RPH3A: variants seen among roughly 807,000 people sequenced by gnomAD.
The protein encoded by RPH3A is rabphilin-3A.
In RPH3A, 48 loss-of-function variants were observed where a neutral mutation model predicts 102.2. That is an observed-to-expected ratio of 0.47 (90% CI 0.37 to 0.60). The LOEUF is 0.60. Among genes scored for constraint, RPH3A ranks in the 20% least tolerant of loss-of-function variants. The pLI is 0.00. For missense variants in RPH3A, 781 were observed against 910.1 expected, an observed-to-expected ratio of 0.86 and a Z score of 1.83; for synonymous variants, 310 against 324.3, an observed-to-expected ratio of 0.96 and a Z score of 0.47.
chr12:112,862,100 A>G (rs1404685115), intron 5 of RPH3A, among the ~76,000 whole-genome samples: 1 of 151,822 alleles, frequency 6.6e-6, no homozygotes, highest in Non-Finnish European at 1.5e-5. Flanking sequence ...CAAGAGGATC[A>G]TTTGAGACCA....
intron 1 of RPH3A, among the ~76,000 whole-genome samples, chr12:112,674,978 A>G (rs1307359800): frequency 6.6e-6 from 1 of 152,180 alleles, no homozygotes; most frequent in Non-Finnish European, 1.5e-5. Context: ...GATTCTGACG[A>G]TAAGGTCCCT....
chr12:112,842,459 A>G (rs2042162143), intron 4 of RPH3A, among the ~76,000 whole-genome samples: 1 of 152,182 alleles, frequency 6.6e-6, no homozygotes, highest in African/African-American at 2.4e-5. Context: ...ACCTGTTCCT[A>G]AGGTTGCACA....
At chr12:112,724,190 G>A (rs2040571218) in intron 1 of RPH3A, among the ~76,000 whole-genome samples, 1 of 151,528 alleles carries the variant, frequency 6.6e-6, no homozygotes, top group African/African-American at 2.4e-5. Flanking sequence ...CTGAGGAGCT[G>A]GGACCACAGG....
chr12:112,647,645 C>G (rs73194704), intron 1 of RPH3A, among the ~76,000 whole-genome samples: 1 of 151,408 alleles, frequency 6.6e-6, no homozygotes, highest in Non-Finnish European at 1.5e-5. Context: ...GTTGGATGGT[C>G]AGGAATGGCC....
At chr12:112,753,725 G>A (rs959747318) in intron 1 of RPH3A, among the ~76,000 whole-genome samples, 3 of 152,176 alleles carry the variant, frequency 2.0e-5, no homozygotes, top group Non-Finnish European at 4.4e-5. Flanking sequence ...GCAAGGTCTG[G>A]GGGTTAGAAA....
intron 1 of RPH3A, among the ~76,000 whole-genome samples, chr12:112,645,335 G>A (rs975430240): frequency 1.3e-5 from 2 of 152,028 alleles, no homozygotes; most frequent in South Asian, 2.1e-4. Context: ...AATGTCTGCC[G>A]GTTTCTTTGG....
At chr12:112,766,799 A>G (rs2384033) in intron 1 of RPH3A, among the ~76,000 whole-genome samples, 134 of 152,238 alleles carry the variant, frequency 8.8e-4, no homozygotes, top group African/African-American at 3.1e-3. Context: ...GAGCTCTGAG[A>G]GCATTTGTTG....
rs76945022 is a variant in RPH3A, at chr12:112,882,360, G to T, written c.1326+514G>T. 4.1e-4 allele frequency among the ~76,000 whole-genome samples: 63 copies of T among 152,274 alleles called. No homozygotes were observed. In the East Asian group the frequency reaches 0.012, roughly 28 times the overall value. ...TCTGGGGTTAATTCTCCTCTCTGGG[G>T]ATTGGCCTACCCAGAGTATATGGCT... On this transcript the variant is annotated intron_variant, in intron 15 of 21. Transcript: ENST00000389385.
At chr12:112,621,943 G>T (rs1417797766) in intron 1 of RPH3A, among the ~76,000 whole-genome samples, 35 of 150,692 alleles carry the variant, frequency 2.3e-4, no homozygotes, top group Middle Eastern at 3.4e-3. Context: ...CCCCAGCAGG[G>T]GCACACTGAC....
At chr12:112,690,766 T>G (rs2040300211) in intron 1 of RPH3A, among the ~76,000 whole-genome samples, 1 of 152,214 alleles carries the variant, frequency 6.6e-6, no homozygotes, top group Non-Finnish European at 1.5e-5. Context: ...GGATTTCCAC[T>G]TGCCGTATGT....
At chr12:112,887,282 T>C (rs1283180413) in intron 16 of RPH3A, among the ~76,000 whole-genome samples, 1 of 152,264 alleles carries the variant, frequency 6.6e-6, no homozygotes, top group Non-Finnish European at 1.5e-5. Flanking sequence ...ATGGTACATT[T>C]ACACAGTGGA....
chr12:112,767,664 G>T (rs1194827325), intron 1 of RPH3A, among the ~76,000 whole-genome samples: 1 of 152,186 alleles, frequency 6.6e-6, no homozygotes, highest in Non-Finnish European at 1.5e-5. Flanking sequence ...CCTTGGGCAA[G>T]TGACTTGACC....
chr12:112,662,353 A>G (rs2040054268), intron 1 of RPH3A, among the ~76,000 whole-genome samples: 1 of 152,218 alleles, frequency 6.6e-6, no homozygotes, highest in African/African-American at 2.4e-5. Context: ...ACATTTATAT[A>G]TCCATCCATC....
chr12:112,887,245 A>G (rs961319829), intron 16 of RPH3A, among the ~76,000 whole-genome samples: 2 of 152,368 alleles, frequency 1.3e-5, no homozygotes, highest in Admixed American at 6.5e-5. Context: ...AAAACTAGAA[A>G]CAACCTGTAT....
chr12:112,684,301 CA>C (rs1177312434), intron 1 of RPH3A, among the ~76,000 whole-genome samples: 1 of 152,132 alleles, frequency 6.6e-6, no homozygotes. Context: ...CTCTGTCACC[CA>C]CACTGGAGTG....
chr12:112,797,839 C>T lies in RPH3A; in HGVS notation c.-19+5576C>T, dbSNP rs116281289. ...TGCCAAGTAGCTGGAAGTACAGACA[C>T]GACCATGCTGGGCTAATTGTTTAAT... On this transcript the variant is annotated intron_variant, in intron 2 of 21. Coordinates refer to ENST00000389385, the MANE Select transcript of RPH3A (RefSeq NM_001143854.2). 3.0e-3 allele frequency among the ~76,000 whole-genome samples: 461 copies of T among 151,920 alleles called. 4 individuals carry two copies. Among genetic ancestry groups the T allele is most frequent in the African/African-American group, 0.011 (446 of 41,408 alleles).
chr12:112,598,498 C>T (rs1022337137), intron 1 of RPH3A, among the ~76,000 whole-genome samples: 1 of 152,186 alleles, frequency 6.6e-6, no homozygotes, highest in Admixed American at 6.5e-5. Context: ...ATTTATACAT[C>T]ATACTCTTAT....
At chr12:112,634,416 C>T (rs539257333) in intron 1 of RPH3A, among the ~76,000 whole-genome samples, 5 of 142,796 alleles carry the variant, frequency 3.5e-5, no homozygotes, top group Admixed American at 2.1e-4. Flanking sequence ...GTTAGCCAGG[C>T]GTGGTGGCGG....
chr12:112,601,899 C>A (rs945317183), intron 1 of RPH3A, among the ~76,000 whole-genome samples: 4 of 152,124 alleles, frequency 2.6e-5, no homozygotes, highest in Non-Finnish European at 5.9e-5. Flanking sequence ...TGTGATCATG[C>A]CACTGCACTT....
Sources: allele counts gnomAD v4.1 joint callset (sites outside exome capture counted in the v4.1 genomes callset), GRCh38; gene constraint gnomAD v4.1.1; transcripts MANE v1.5; gene names NCBI Gene and HGNC (gene_info 2026-07-23, HGNC 2026-07-21).